The following KNDC1 variants were observed in gnomAD, a reference collection of about 807,000 sequenced individuals.
KNDC1 encodes the protein kinase non-catalytic C-lobe domain containing 1.
In KNDC1, 106 loss-of-function variants were observed where a neutral mutation model predicts 172.8. The ratio of observed to expected loss-of-function variants is 0.61; its 90% confidence interval spans 0.52 to 0.72. The LOEUF (loss-of-function observed/expected upper bound fraction) is 0.72, where lower values mean the gene tolerates loss of function less well. Ranked by LOEUF, KNDC1 falls within the 30% of genes least tolerant of loss-of-function variation. KNDC1 has a pLI of 0.00. For synonymous variants in KNDC1, 1,083 were observed against 1,062.2 expected, an observed-to-expected ratio of 1.02 and a Z score of -0.38; for missense variants, 2,325 against 2,394.5, an observed-to-expected ratio of 0.97 and a Z score of 0.61.
rs147343928 is a variant in KNDC1 at position 133,207,265 on chromosome 10, C to G, written c.3708C>G (p.Asn1236Lys). The G allele has an allele frequency of 1.2e-6, 2 of 1,613,006 alleles. No homozygotes were observed. The highest frequency in any genetic ancestry group is 2.7e-5 in the African/African-American group (2 of 74,936). Residue 1236 changes from asparagine (N) to lysine (K), a missense_variant, in exon 20 of 30, where the codon AAC becomes AAG. By Grantham distance (94) the Asn-to-Lys change is moderately conservative. Coordinates refer to ENST00000304613, the MANE Select transcript of KNDC1 (RefSeq NM_152643.8). ...LDESSSLIFYNVNKHPGGRQK... is the reference protein window; with the variant it reads ...LDESSSLIFYKVNKHPGGRQK... Reference sequence around the variant, plus strand: ...AGTCCTCCTCGCTCATCTTCTACAACGTCAACAAGCACCCGGGCGGCCGGC... The same window carrying G: ...AGTCCTCCTCGCTCATCTTCTACAAGGTCAACAAGCACCCGGGCGGCCGGC...
intron 29 of KNDC1, among the ~76,000 whole-genome samples, chr10:133,221,932 GCCA>G (rs1845599633): frequency 1.4e-5 from 1 of 72,848 alleles, no homozygotes; most frequent in Non-Finnish European, 3.3e-5. Context: ...GCTGGGTGCA[GCCA>G]CTCACGCCTG....
chr10:133,160,472 A>C lies in KNDC1; in HGVS notation c.5A>C (p.Gln2Pro). The stretch of plus-strand genomic sequence containing the variant: ...GGTGCGCGGCGCGGCCGCAGGATGC[A>C]GGCCATGGACCCGGCCGCGGCGGAT... M[Q>P]AMDPAAADLY... The change falls in exon 1 of 30, where the codon CAG (glutamine) becomes CCG (proline). Residue 2 changes from glutamine (Q) to proline (P), a missense_variant. Physicochemically the swap from Gln to Pro is moderately conservative, Grantham distance 76. Transcript: ENST00000304613. 6.4e-7 allele frequency: 1 copy of C among 1,559,442 alleles called. No homozygotes were observed. Among genetic ancestry groups the C allele is most frequent in the Non-Finnish European group, 8.7e-7 (1 of 1,154,926 alleles).
In KNDC1 at chr10:133,213,913, G is replaced by A. The variant is rs933762510; in HGVS notation, c.4527-59G>A. 14 of 1,604,054 alleles carry A rather than the reference G, an allele frequency of 8.7e-6. No individual in the cohort carries two copies. The African/African-American group carries it at 1.7e-4, about 20-fold the overall frequency. ...GCCCACCCTGCACCAGCAGCCCCAG[G>A]GCCGGGCAGGGCCACTGCACAAGTC... On this transcript the variant is annotated intron_variant, in intron 25 of 29. Transcript: ENST00000304613.
chr10:133,205,367 A>T (rs1245581310), intron 17 of KNDC1, among the ~76,000 whole-genome samples: 2 of 152,254 alleles, frequency 1.3e-5, no homozygotes, highest in Admixed American at 1.3e-4. Context: ...TCCTGTGATC[A>T]GGACCTGCCC....
intron 5 of KNDC1, among the ~76,000 whole-genome samples, 155 bp downstream of exon 5, chr10:133,184,144 C>T (rs1037093520): frequency 5.3e-5 from 8 of 150,138 alleles, no homozygotes; most frequent in Admixed American, 3.3e-4. Flanking sequence ...ATGCCACACA[C>T]ACCCATGCAC....
chr10:133,186,130 C>T lies in KNDC1; in HGVS notation c.782C>T (p.Ala261Val), dbSNP rs1853905011. 1.3e-6 allele frequency: 2 copies of T among 1,596,940 alleles called. No individual in the cohort carries two copies. Among genetic ancestry groups the T allele is most frequent in the East Asian group, 2.3e-5 (1 of 44,422 alleles). ...GGCCCCAGAGCCTCCCCAACCAAGG[C>T]TCTGCTGTCCACCCCGGTGAGAAAT... ...SRGPRASPTK[A>V]LLSTPVRNGE... The change falls in exon 6 of 30, where the codon GCT becomes GTT. Residue 261 changes from alanine to valine, a missense_variant. Coordinates refer to ENST00000304613, the MANE Select transcript of KNDC1 (RefSeq NM_152643.8).
chr10:133,177,602 T>A (rs919309339), intron 3 of KNDC1, among the ~76,000 whole-genome samples: 2 of 152,034 alleles, frequency 1.3e-5, no homozygotes, highest in African/African-American at 4.8e-5. Flanking sequence ...CACATGTGCA[T>A]AATGCATGTG....
Position 133,183,952 on chromosome 10 carries a change from G to A in KNDC1, c.588G>A (p.Arg196=). The change falls in exon 5 of 30, where the codon AGG becomes AGA. Residue 196 remains arginine (R), a synonymous_variant. Coordinates refer to ENST00000304613, the MANE Select transcript of KNDC1 (RefSeq NM_152643.8). ...RVCRSLSAVG[R]RVLSIESFGA... ...GCCGGAGCCTCTCTGCTGTGGGGAG[G>A]AGGGTCCTCTCCATCGAGTCCTTCG... The A allele has an allele frequency of 6.2e-7, 1 of 1,600,598 alleles. No individual in the cohort carries two copies. The highest frequency in any genetic ancestry group is 8.5e-7 in the Non-Finnish European group (1 of 1,170,336).
At chr10:133,218,695 A>G in intron 26 of KNDC1, 136 bp from the exon 27 acceptor site, 1 of 1,165,294 alleles carries the variant, frequency 8.6e-7, no homozygotes, top group Non-Finnish European at 1.2e-6. Context: ...GCGTCCACAC[A>G]GCCGCTTCCT....
rs368736374 is a variant in KNDC1 at position 133,206,639 on chromosome 10, G to A, written c.3388-46G>A. ...GGGCCTGGCCCTGGATGTGGCTGAC[G>A]TGTGTTGGGGCTGCCTGGGGCTTAG... On this transcript the variant is annotated intron_variant, in intron 17 of 29. Transcript: ENST00000304613. 126 of 1,525,286 alleles carry A rather than the reference G, an allele frequency of 8.3e-5. No individual in the cohort carries two copies. In the East Asian group the frequency reaches 9.9e-4, roughly 12 times the overall value. 94.5% of individuals were successfully genotyped at this position (1,525,286 alleles called of 1,614,324 possible). A position where few individuals can be genotyped will look rare whatever the true frequency, so the allele number is the denominator to read the frequency against.
chr10:133,177,491 GGTGT>G (rs1043446390), intron 3 of KNDC1, among the ~76,000 whole-genome samples: 4 of 151,992 alleles, frequency 2.6e-5, no homozygotes, highest in Non-Finnish European at 4.4e-5. Flanking sequence ...CATGTAGTAT[GGTGT>G]GTGTCATGGT....
rs1041619421 is a variant in KNDC1, at chr10:133,199,593, C to T, written c.2894C>T (p.Pro965Leu). ...LFKVVNGQAS[P>L]SPSTAEEAGS... ...AAGGTGGTCAACGGGCAGGCGTCAC[C>T]CTCCCCAAGGTGGGTGCCCAGTTCG... The change falls in exon 15 of 30, where the codon CCC becomes CTC. Residue 965 changes from proline to leucine, a missense_variant. Physicochemically the swap from Pro to Leu is moderately conservative, Grantham distance 98 (BLOSUM62 -3). Coordinates refer to ENST00000304613, the MANE Select transcript of KNDC1 (RefSeq NM_152643.8). 2 of 1,613,276 alleles carry T rather than the reference C, an allele frequency of 1.2e-6. No individual in the cohort carries two copies. The highest frequency in any genetic ancestry group is 1.7e-5 in the Admixed American group (1 of 59,994).
chr10:133,223,934 CGTGTGT>C (rs369555856), intron 29 of KNDC1, among the ~76,000 whole-genome samples: 7 of 97,520 alleles, frequency 7.2e-5, no homozygotes, highest in Non-Finnish European at 1.0e-4. Context: ...CTCTTCCCGG[CGTGTGT>C]GTGTGTGTGT....
rs913972450 is a variant in KNDC1, at chr10:133,224,142, T to C, written c.5019-517T>C. ...TTCCATCCAAAATCAGGACAGGGCG[T>C]CTGTCTGTGGCATCAGTGTCCCCAG... On this transcript the variant is annotated intron_variant, in intron 29 of 29. Transcript: ENST00000304613. This position sits in a 1 kb window ranked among gnomAD's most constrained non-coding sequence, Gnocchi z 5.4. Among the ~76,000 whole-genome samples the C allele has an allele frequency of 5.9e-5, 9 of 152,182 alleles. No individual in the cohort carries two copies. Among genetic ancestry groups the C allele is most frequent in the Non-Finnish European group, 1.2e-4 (8 of 68,036 alleles).
intron 26 of KNDC1, among the ~76,000 whole-genome samples, chr10:133,214,520 A>T (rs1845437628): frequency 6.6e-6 from 1 of 152,074 alleles, no homozygotes; most frequent in African/African-American, 2.4e-5. Context: ...TGCTCACCAC[A>T]CACAGAGTCC....
At chr10:133,176,736 C>G (rs1853548035) in intron 3 of KNDC1, among the ~76,000 whole-genome samples, 1 of 152,222 alleles carries the variant, frequency 6.6e-6, no homozygotes, top group Non-Finnish European at 1.5e-5. Context: ...CTAATGTGCT[C>G]TGGGTCCTCA....
intron 3 of KNDC1, among the ~76,000 whole-genome samples, chr10:133,169,825 G>C (rs112885100): frequency 6.6e-6 from 1 of 152,226 alleles, no homozygotes; most frequent in Admixed American, 6.5e-5. Flanking sequence ...TTGTGCTTGC[G>C]TTCCTAGTCA....
intron 10 of KNDC1, 45 bp downstream of exon 10, chr10:133,195,866 G>A (rs768384765): frequency 7.3e-7 from 1 of 1,374,002 alleles, no homozygotes; most frequent in South Asian, 1.4e-5. Flanking sequence ...TCCAAGGACT[G>A]TGGGCAGTGG....
At chr10:133,184,661 C>T (rs57116706) in intron 5 of KNDC1, among the ~76,000 whole-genome samples, 2 of 152,152 alleles carry the variant, frequency 1.3e-5, no homozygotes, top group Admixed American at 1.3e-4. Flanking sequence ...CATGCTGGTC[C>T]TATGCACACA....
Sources: allele counts gnomAD v4.1 joint callset (sites outside exome capture counted in the v4.1 genomes callset), GRCh38; gene constraint gnomAD v4.1.1; non-coding constraint Gnocchi (gnomAD v3.1); transcripts MANE v1.5; gene names NCBI Gene and HGNC (gene_info 2026-07-23, HGNC 2026-07-21).